SAMD3: variants seen among roughly 807,000 people sequenced by gnomAD.
SAMD3 encodes the protein sterile alpha motif domain containing 3.
In SAMD3, 63 loss-of-function variants were observed where a neutral mutation model predicts 58.5. The observed-to-expected ratio is 1.08, with a 90% CI of 0.88 to 1.33. The LOEUF is 1.33. Ranked by LOEUF, SAMD3 falls within the 40% of genes most tolerant of loss-of-function variation. SAMD3 has a pLI of 0.00. For missense variants in SAMD3, 604 were observed against 608.4 expected, an observed-to-expected ratio of 0.99 and a Z score of 0.08; for synonymous variants, 220 against 210.3, an observed-to-expected ratio of 1.05 and a Z score of -0.40.
intron 7 of SAMD3, 65 bp from the exon 8 acceptor site, chr6:130,176,073 T>A (rs1791696059): frequency 7.8e-7 from 1 of 1,280,994 alleles, no homozygotes; most frequent in Middle Eastern, 1.9e-4. Context: ...AAACAATACG[T>A]CTATACAACA....
chr6:130,248,163 A>G (rs73605914), intron 2 of SAMD3, among the ~76,000 whole-genome samples: 2,932 of 144,306 alleles, frequency 0.02, 93 homozygotes, highest in African/African-American at 0.074. Context: ...GAATCATTTC[A>G]TTTTTAAGTG....
chr6:130,187,663 T>C (rs1793130401), intron 5 of SAMD3, among the ~76,000 whole-genome samples: 1 of 152,240 alleles, frequency 6.6e-6, no homozygotes, highest in Middle Eastern at 3.4e-3. Flanking sequence ...TGCATTGGAT[T>C]AAAAAAAGCT....
intron 2 of SAMD3, among the ~76,000 whole-genome samples, chr6:130,301,465 A>G (rs1404639132): frequency 6.6e-6 from 1 of 152,214 alleles, no homozygotes; most frequent in Admixed American, 6.5e-5. Context: ...TCCCATCCCC[A>G]TGAACAAGAA....
intron 1 of SAMD3, among the ~76,000 whole-genome samples, chr6:130,326,780 G>A (rs1347194560): frequency 6.6e-6 from 1 of 152,150 alleles, no homozygotes; most frequent in Non-Finnish European, 1.5e-5. Context: ...ACTATTCTGG[G>A]CATGGGTACT....
intron 2 of SAMD3, among the ~76,000 whole-genome samples, chr6:130,245,741 G>C (rs1773520060): frequency 6.6e-6 from 1 of 152,178 alleles, no homozygotes; most frequent in African/African-American, 2.4e-5. Flanking sequence ...CTACATAACA[G>C]GGTAGGGCAA....
In SAMD3 at chr6:130,301,857, C is replaced by T. The variant is rs77458216; in HGVS notation, c.-188+11121G>A. ...AAAATAAACAATGGAGGAAGGACAT[C>T]TTATTCAATAAATGGTCTGAGAAAA... On this transcript the variant is annotated intron_variant, in intron 2 of 13. Transcript: ENST00000368134. Among the ~76,000 whole-genome samples, 320 of 152,264 alleles carry T rather than the reference C, an allele frequency of 2.1e-3. 2 individuals are homozygous for T. The highest frequency in any genetic ancestry group is 7.2e-3 in the African/African-American group (299 of 41,542).
chr6:130,341,847 C>G (rs1777286051), intron 1 of SAMD3, among the ~76,000 whole-genome samples: 1 of 152,202 alleles, frequency 6.6e-6, no homozygotes, highest in Admixed American at 6.5e-5. Flanking sequence ...AATGTACCAT[C>G]ATGTGTTTTC....
rs1348856941 is a variant in SAMD3 at position 130,178,412 on chromosome 6, G to A, written c.655-2404C>T. ...AAAAAAAAACCCCTGCAGGCATATG[G>A]GCCTGTGTTTCCCTCGAGCCCTGGC... On this transcript the variant is annotated intron_variant, in intron 7 of 11. Transcript: ENST00000439090. Among the ~76,000 whole-genome samples the A allele has an allele frequency of 2.0e-5, 3 of 152,050 alleles. No individual in the cohort carries two copies. The East Asian group carries it at 5.8e-4, about 29-fold the overall frequency.
intron 2 of SAMD3, among the ~76,000 whole-genome samples, chr6:130,279,629 C>T (rs569675017): frequency 5.9e-5 from 9 of 151,864 alleles, no homozygotes; most frequent in African/African-American, 1.5e-4. Context: ...GGATTACAGG[C>T]ACCTGCCAGC....
At chr6:130,176,846 C>A (rs1478586429) in intron 7 of SAMD3, among the ~76,000 whole-genome samples, 1 of 152,012 alleles carries the variant, frequency 6.6e-6, no homozygotes, top group African/African-American at 2.4e-5. Flanking sequence ...AGAGAACTAC[C>A]AAGAGTTGCG....
At chr6:130,318,163 A>C (rs910511085) in intron 1 of SAMD3, among the ~76,000 whole-genome samples, 3 of 152,184 alleles carry the variant, frequency 2.0e-5, no homozygotes, top group Non-Finnish European at 4.4e-5. Flanking sequence ...CACCAGCCAG[A>C]ATGGAAAGCC....
chr6:130,360,603 C>G lies in SAMD3; in HGVS notation c.-304+4517G>C, dbSNP rs112533227. On this transcript the variant is annotated intron_variant, in intron 1 of 13. Transcript: ENST00000368134. The stretch of plus-strand genomic sequence containing the variant: ...GGGTGAGAACACAGGACCACAGGAC[C>G]GGGGCAAAATTAAAATTGCTAATGA... Among the ~76,000 whole-genome samples, 5 of 152,202 alleles carry G rather than the reference C, an allele frequency of 3.3e-5. No homozygotes were observed. In the East Asian group the frequency reaches 9.7e-4, roughly 29 times the overall value.
rs765932716 is a variant in SAMD3, at chr6:130,214,513, A to G, written c.93T>C (p.Ser31=). ...CATTAAGTGCAAGAAGAGCGGCCCCACTTACTTCTTCCTCTGGGAAAAAGA... is the reference window on the plus strand; with the variant it reads ...CATTAAGTGCAAGAAGAGCGGCCCCGCTTACTTCTTCCTCTGGGAAAAAGA... ...LVHRFQEEEV[S]GAALLALNDR... is the part of the protein sequence containing the mutation. Residue 31 remains serine, a synonymous_variant, in exon 4 of 12, where the codon AGT becomes AGC. Transcript: ENST00000439090. 6.3e-6 allele frequency: 10 copies of G among 1,584,950 alleles called. No homozygotes were observed. Among genetic ancestry groups the G allele is most frequent in the Middle Eastern group, 1.7e-4 (1 of 5,910 alleles).
intron 8 of SAMD3, chr6:130,162,335 TGCTTTTGA>T (rs1338186915): frequency 2.9e-6 from 2 of 700,248 alleles, no homozygotes; most frequent in Non-Finnish European, 5.2e-6. Flanking sequence ...AGAATGAGTC[TGCTTTTGA>T]AGTAGTAAGA....
chr6:130,263,297 C>T (rs992411891), intron 2 of SAMD3, among the ~76,000 whole-genome samples: 29 of 152,138 alleles, frequency 1.9e-4, no homozygotes, highest in Non-Finnish European at 7.4e-5. Flanking sequence ...GTTTATCTTC[C>T]ACTTTCCTTT....
At chr6:130,331,253 C>T (rs1034262124) in intron 1 of SAMD3, among the ~76,000 whole-genome samples, 4 of 152,144 alleles carry the variant, frequency 2.6e-5, no homozygotes, top group African/African-American at 9.7e-5. Flanking sequence ...TTTGGATATT[C>T]TGTACAATCC....
upstream of SAMD3, among the ~76,000 whole-genome samples, chr6:130,227,326 T>G (rs1414681957): frequency 6.6e-6 from 1 of 152,230 alleles, no homozygotes; most frequent in African/African-American, 2.4e-5. Flanking sequence ...CTGAGTAATA[T>G]TCCATTTGAT....
chr6:130,315,919 T>G (rs530389452), intron 1 of SAMD3, among the ~76,000 whole-genome samples: 1 of 152,214 alleles, frequency 6.6e-6, no homozygotes, highest in East Asian at 1.9e-4. Context: ...TGTGAAAGTG[T>G]GTATATATGT....
intron 1 of SAMD3, among the ~76,000 whole-genome samples, chr6:130,328,717 T>C (rs1208554341): frequency 6.6e-6 from 1 of 152,228 alleles, no homozygotes; most frequent in Non-Finnish European, 1.5e-5. Context: ...AAACAATTTC[T>C]GAACCTTAGA....
Sources: allele counts gnomAD v4.1 joint callset (sites outside exome capture counted in the v4.1 genomes callset), GRCh38; gene constraint gnomAD v4.1.1; transcripts MANE v1.5; gene names NCBI Gene and HGNC (gene_info 2026-07-23, HGNC 2026-07-21).